The following ANKRD62 variants were observed in gnomAD, a reference collection of about 807,000 sequenced individuals.
ANKRD62 encodes the protein ankyrin repeat domain 62.
ANKRD62 carries 61 observed loss-of-function variants against 98.8 expected under a neutral mutation model. That is an observed-to-expected ratio of 0.62 (90% CI 0.50 to 0.76). ANKRD62 has a LOEUF of 0.76. Ranked by LOEUF, ANKRD62 falls within the 30% of genes least tolerant of loss-of-function variation. ANKRD62 has a pLI of 0.00. For synonymous variants in ANKRD62, 341 were observed against 367.9 expected (o/e 0.93, Z 0.84); for missense variants, 933 against 1,082.9 (o/e 0.86, Z 1.94).
the ANKRD62 span, among the ~76,000 whole-genome samples, chr18:12,158,615 T>C: frequency 6.6e-5 from 10 of 152,040 alleles, no homozygotes. Context: ...AAGCTCTGCC[T>C]CCCGGGTTCA....
downstream of ANKRD62, among the ~76,000 whole-genome samples, chr18:12,129,948 C>A (rs1311662939): frequency 1.3e-5 from 2 of 152,120 alleles, no homozygotes; most frequent in Non-Finnish European, 2.9e-5. Context: ...GCAAGAAATG[C>A]AGAATCAACG....
At chr18:12,140,657 C>A in the ANKRD62 span, among the ~76,000 whole-genome samples, 62 of 152,132 alleles carry the variant, frequency 4.1e-4, no homozygotes, top group East Asian at 0.011. Context: ...GGCTGCACAA[C>A]AGCAGATATT....
the ANKRD62 span, among the ~76,000 whole-genome samples, chr18:12,141,173 C>T: frequency 1.3e-5 from 2 of 152,244 alleles, no homozygotes; most frequent in Admixed American, 1.3e-4. Flanking sequence ...ATATAATCTC[C>T]TGGTGTGCCG....
At chr18:12,155,608 G>A in the ANKRD62 span, among the ~76,000 whole-genome samples, 1 of 152,192 alleles carries the variant, frequency 6.6e-6, no homozygotes, top group Non-Finnish European at 1.5e-5. Context: ...AGGCCTAGGT[G>A]TACAAAGTTC....
the ANKRD62 span, among the ~76,000 whole-genome samples, chr18:12,154,737 G>A: frequency 1.4e-4 from 22 of 152,156 alleles, no homozygotes; most frequent in Admixed American, 1.3e-3. Flanking sequence ...AGCAGTGACC[G>A]ATTGGCCAAA....
downstream of ANKRD62, among the ~76,000 whole-genome samples, chr18:12,132,339 CATAGATGATTATGTCTGTGAATAAGG>C (rs1910018355): frequency 6.6e-6 from 1 of 152,118 alleles, no homozygotes; most frequent in Non-Finnish European, 1.5e-5. Flanking sequence ...TGGTTTTCCA[CATAGATGATTATGTCTGTGAATAAGG>C]ATAGTTTTAC....
At chr18:12,121,400 C>T (rs1431033122) in intron 10 of ANKRD62, among the ~76,000 whole-genome samples, 1 of 152,116 alleles carries the variant, frequency 6.6e-6, no homozygotes, top group Admixed American at 6.5e-5. Context: ...GAACAGCAGG[C>T]TTGGTTTCTC....
chr18:12,098,754 C>T (rs1468793088), intron 5 of ANKRD62, among the ~76,000 whole-genome samples: 1 of 152,154 alleles, frequency 6.6e-6, no homozygotes, highest in Non-Finnish European at 1.5e-5. Context: ...AAAATAACCA[C>T]TTGCATCTCC....
chr18:12,152,593 G>A, the ANKRD62 span, among the ~76,000 whole-genome samples: 1 of 152,094 alleles, frequency 6.6e-6, no homozygotes, highest in East Asian at 1.9e-4. Flanking sequence ...GAAATAATAA[G>A]AGCTATTCAT....
chr18:12,104,944 G>A (rs1909381412), intron 7 of ANKRD62, among the ~76,000 whole-genome samples: 1 of 152,156 alleles, frequency 6.6e-6, no homozygotes, highest in African/African-American at 2.4e-5. Context: ...TTTTAACATA[G>A]ACTGGGAGAA....
the ANKRD62 span, among the ~76,000 whole-genome samples, chr18:12,175,562 C>T: frequency 6.6e-6 from 1 of 152,016 alleles, no homozygotes; most frequent in South Asian, 2.1e-4. Context: ...GGTGCTTTGC[C>T]ATGGGGGCCT....
At chr18:12,094,980 C>T (rs1038689887) in intron 1 of ANKRD62, among the ~76,000 whole-genome samples, 191 bp from the exon 2 acceptor site, 6 of 151,282 alleles carry the variant, frequency 4.0e-5, no homozygotes, top group Non-Finnish European at 7.4e-5. Context: ...ACCAAGGGCA[C>T]TGGGCTTTCT....
the ANKRD62 span, among the ~76,000 whole-genome samples, chr18:12,141,270 G>T: frequency 1.3e-5 from 2 of 152,218 alleles, no homozygotes; most frequent in African/African-American, 4.8e-5. Flanking sequence ...TCTTTGACTA[G>T]GAAAGGGAAT....
Position 12,129,696 on chromosome 18 carries a change from C to T in ANKRD62, c.*1757C>T, listed in dbSNP as rs1192009752. The T allele has an allele frequency of 1.4e-5, 2 of 143,302 alleles. No homozygotes were observed. The highest frequency in any genetic ancestry group is 1.5e-5 in the Non-Finnish European group (1 of 67,164). 8.9% of individuals were successfully genotyped at this position (143,302 alleles called of 1,614,324 possible). ...CCGGGAGGCGGAGCTTGCGGTGAGC[C>T]GAGACGGTGCCACCGCACTCCAGCC... On this transcript the variant is annotated 3_prime_UTR_variant, in exon 14 of 14. Transcript: ENST00000587848.
chr18:12,138,368 C>T, the ANKRD62 span, among the ~76,000 whole-genome samples: 1 of 152,182 alleles, frequency 6.6e-6, no homozygotes, highest in African/African-American at 2.4e-5. Context: ...GAGTGAGTTT[C>T]TCAATTCTGA....
rs114352671 is a variant in ANKRD62 at position 12,102,266 on chromosome 18, C to G, written c.821-892C>G. ...CCAGGAGCAAAACACTGACGACCCT[C>G]TCACTAGTCCAGTGGAGAGACGCAA... On this transcript the variant is annotated intron_variant, in intron 6 of 13. Coordinates refer to ENST00000587848, the MANE Select transcript of ANKRD62 (RefSeq NM_001277333.2). 3.6e-3 allele frequency: 2,765 copies of G among 759,238 alleles called. 54 individuals carry two copies. The African/African-American group carries it at 0.043, about 12-fold the overall frequency. 47.0% of individuals were successfully genotyped at this position (759,238 alleles called of 1,614,324 possible). A position where few individuals can be genotyped will look rare whatever the true frequency, so the allele number is the denominator to read the frequency against.
chr18:12,101,387 C>A (rs112630656), intron 6 of ANKRD62, among the ~76,000 whole-genome samples: 2 of 152,152 alleles, frequency 1.3e-5, no homozygotes, highest in Non-Finnish European at 2.9e-5. Context: ...ACAAGGGGAA[C>A]CTTGCCCTTA....
chr18:12,107,339 G>A lies in ANKRD62; in HGVS notation c.936G>A (p.Val312=). ...MKKCRNKKME[V]SRNVHADDSD... Reference sequence around the variant, plus strand: ...AATGCAGAAATAAGAAAATGGAAGTGTCAAGAAACGTACATGCTGATGACA... The same window carrying A: ...AATGCAGAAATAAGAAAATGGAAGTATCAAGAAACGTACATGCTGATGACA... Residue 312 remains valine (V), a synonymous_variant, in exon 8 of 14, where the codon GTG becomes GTA. Coordinates refer to ENST00000587848, the MANE Select transcript of ANKRD62 (RefSeq NM_001277333.2). 1 of 1,498,846 alleles carries A rather than the reference G, an allele frequency of 6.7e-7. No individual in the cohort carries two copies. Among genetic ancestry groups the A allele is most frequent in the Non-Finnish European group, 8.8e-7 (1 of 1,130,180 alleles). The allele number at this position is 1,498,846 out of a possible 1,614,324, so 92.8% of individuals were successfully genotyped here. A position where few individuals can be genotyped will look rare whatever the true frequency, so the allele number is the denominator to read the frequency against.
At chr18:12,163,184 A>G in the ANKRD62 span, among the ~76,000 whole-genome samples, 1 of 151,698 alleles carries the variant, frequency 6.6e-6, no homozygotes, top group Non-Finnish European at 1.5e-5. Flanking sequence ...TCCTCTTATT[A>G]TCAGTGTTTC....
Sources: gnomAD v4.1 joint callset for allele counts (sites outside exome capture counted in the v4.1 genomes callset) on GRCh38, gnomAD v4.1.1 for gene constraint, MANE v1.5 for transcripts, NCBI Gene and HGNC (gene_info 2026-07-23, HGNC 2026-07-21) for gene names.